Variants in USP36 observed in about 807,000 individuals in gnomAD.
The protein encoded by USP36 is ubiquitin carboxyl-terminal hydrolase 36.
A neutral mutation model predicts 111.5 loss-of-function variants in USP36; 59 were observed. The observed-to-expected ratio is 0.53, with a 90% confidence interval of 0.43 to 0.66. USP36 has a LOEUF of 0.66. Among genes scored for constraint, USP36 ranks in the 30% least tolerant of loss-of-function variants. USP36 has a pLI of 0.00. For missense variants in USP36, 1,488 were observed against 1,468.0 expected (o/e 1.01, Z -0.22); for synonymous variants, 628 against 581.0 (o/e 1.08, Z -1.16).
At chr17:78,812,697 GA>G (rs572009070) in intron 13 of USP36, among the ~76,000 whole-genome samples, 162 bp downstream of exon 13, 2,549 of 52,670 alleles carry the variant, frequency 0.048, 41 homozygotes, top group African/African-American at 0.14. Context: ...ACTCTGTCTC[GA>G]AAAAAAAAAA....
At chr17:78,820,455 C>G (rs1717905588) in intron 8 of USP36, among the ~76,000 whole-genome samples, 2 of 152,180 alleles carry the variant, frequency 1.3e-5, no homozygotes, top group South Asian at 4.1e-4. Flanking sequence ...AGAGCAAGAC[C>G]CTGTCCCTCA....
Position 78,807,276 on chromosome 17 carries a change from T to C in USP36, c.1768A>G (p.Thr590Ala), listed in dbSNP as rs759880106. The C allele has an allele frequency of 3.7e-6, 6 of 1,614,170 alleles. No individual in the cohort carries two copies. Among genetic ancestry groups the C allele is most frequent in the Non-Finnish European group, 5.1e-6 (6 of 1,180,010 alleles). The stretch of plus-strand genomic sequence containing the variant: ...CCCTTCAGCCCATGCCCGTTGGCAG[T>C]GGCTGTAGCCAGGAGCTTAGGTGAG... Reference protein sequence around the residue: ...STSPKLLATATANGHGLKGND... With the variant: ...STSPKLLATAAANGHGLKGND... Residue 590 changes from threonine (T) to alanine (A), a missense_variant, in exon 14 of 21, where the codon ACT becomes GCT. Thr to Ala is a moderately conservative substitution (Grantham distance 58). This residue lies in a region of USP36 where 1,073 missense variants were observed against 994.1 expected (regional missense o/e 1.08). Transcript: ENST00000449938.
rs1395189105 is a variant in USP36, at chr17:78,796,990, A to C, written c.*910T>G. ...TATACAATCATTTAAATTCCAAAGC[A>C]CTCACAAAATTGAGCAAACAAAGCC... On this transcript the variant is annotated 3_prime_UTR_variant, in exon 21 of 21. Transcript: ENST00000449938. 7.9e-5 allele frequency: 12 copies of C among 152,202 alleles called. No individual in the cohort carries two copies. Among genetic ancestry groups the C allele is most frequent in the Non-Finnish European group, 1.8e-4 (12 of 68,034 alleles). The allele number at this position is 152,202 out of a possible 1,614,324, so 9.4% of individuals were successfully genotyped here.
At chr17:78,834,997 G>GTGTATATA (rs968867639) in intron 4 of USP36, among the ~76,000 whole-genome samples, 3 of 141,390 alleles carry the variant, frequency 2.1e-5, no homozygotes, top group Admixed American at 6.9e-5. Flanking sequence ...AATAATATTT[G>GTGTATATA]TATATATATA....
At chr17:78,809,689 T>C (rs774745390) in intron 13 of USP36, among the ~76,000 whole-genome samples, 11 of 152,092 alleles carry the variant, frequency 7.2e-5, no homozygotes, top group Non-Finnish European at 5.9e-5. Flanking sequence ...TGGAGCGCAG[T>C]GGCACAATGA....
In USP36 at chr17:78,834,997, G is replaced by GTATATATATATATA. The variant is rs10527657; in HGVS notation, c.475+269_475+282dup. On this transcript the variant is annotated intron_variant, in intron 4 of 20. Transcript: ENST00000449938. ...TACTGTCTCTAAAAAAATAATATTTGTATATATATATATATATATATTTTG... is the reference window on the plus strand; with the variant it reads ...TACTGTCTCTAAAAAAATAATATTTGTATATATATATATATATATATATATATATATATATTTTG... 9.1e-4 allele frequency among the ~76,000 whole-genome samples: 129 copies of GTATATATATATATA among 141,420 alleles called. 1 individual carries two copies. The highest frequency in any genetic ancestry group is 3.0e-3 in the African/African-American group (108 of 35,846). The allele number at this position is 141,420 out of a possible 152,430, so 92.8% of individuals were successfully genotyped here.
chr17:78,810,003 T>A (rs142725072), intron 13 of USP36, among the ~76,000 whole-genome samples: 1,627 of 152,096 alleles, frequency 0.011, 25 homozygotes, highest in African/African-American at 0.038. Flanking sequence ...CACGCCACCA[T>A]GCCCAGCTAA....
rs754659416 is a variant in USP36, at chr17:78,814,522, G to A, written c.1054C>T (p.Arg352Cys). The A allele has an allele frequency of 6.2e-6, 10 of 1,614,124 alleles. No homozygotes were observed. Among genetic ancestry groups the A allele is most frequent in the South Asian group, 3.3e-5 (3 of 91,078 alleles). The change falls in exon 11 of 21, where the codon CGT (arginine) becomes TGT (cysteine). Residue 352 changes from arginine (R) to cysteine (C), a missense_variant. Coordinates refer to ENST00000449938, the MANE Select transcript of USP36 (RefSeq NM_001385174.1). ...DVGYPEFLNI[R>C]PYMSQNNGDP... ...CCATTATTCTGGGACATATACGGACGTATGTTGAGGAATTCCGGATAGCCT... is the reference window on the plus strand; with the variant it reads ...CCATTATTCTGGGACATATACGGACATATGTTGAGGAATTCCGGATAGCCT...
At position 78,827,095 on chromosome 17, in the gene USP36, T is replaced by C. The variant is rs9895282; in HGVS notation, c.689+150A>G. ...AATCCCCTATTTGGGCTCCAACAGT[T>C]TGAGTACCCAGAGGCAAATTCTGCC... On this transcript the variant is annotated intron_variant, in intron 6 of 20. Coordinates refer to ENST00000449938, the MANE Select transcript of USP36 (RefSeq NM_001385174.1). The C allele has an allele frequency of 0.016, 13,836 of 843,404 alleles. 1,160 individuals carry two copies. In the African/African-American group the frequency reaches 0.2, roughly 12 times the overall value. The allele number at this position is 843,404 out of a possible 1,614,324, so 52.2% of individuals were successfully genotyped here.
At chr17:78,837,938 A>T (rs2068832484) in intron 2 of USP36, among the ~76,000 whole-genome samples, 1 of 152,188 alleles carries the variant, frequency 6.6e-6, no homozygotes, top group South Asian at 2.1e-4. Flanking sequence ...TGTAAAGAAA[A>T]GCCAGGTGCA....
rs1567978635 is a variant in USP36 at position 78,838,696 on chromosome 17, CGCTCCTGGACTGTG to C, written c.-133_-120del. 6.6e-6 allele frequency: 1 copy of C among 152,178 alleles called. No individual in the cohort carries two copies. The highest frequency in any genetic ancestry group is 6.5e-5 in the Admixed American group (1 of 15,278). The allele number at this position is 152,178 out of a possible 1,614,324, so 9.4% of individuals were successfully genotyped here. The stretch of plus-strand genomic sequence containing the variant: ...GCTACGCGGAGCTCCTGAATGTAAG[CGCTCCTGGACTGTG>C]GCCTGTTCAAACACCGAAGCCGCAG... On this transcript the variant is annotated 5_prime_UTR_variant, in exon 2 of 21. It introduces an in-frame stop codon into an upstream open reading frame of the 5' UTR. Coordinates refer to ENST00000449938, the MANE Select transcript of USP36 (RefSeq NM_001385174.1).
chr17:78,810,483 T>G (rs2094022350), intron 13 of USP36, among the ~76,000 whole-genome samples: 1 of 152,114 alleles, frequency 6.6e-6, no homozygotes, highest in African/African-American at 2.4e-5. Flanking sequence ...AGACAGGGTT[T>G]TGCCCAGGTT....
At chr17:78,801,968 G>A (rs959791976) in intron 17 of USP36, among the ~76,000 whole-genome samples, 2 of 152,126 alleles carry the variant, frequency 1.3e-5, no homozygotes, top group African/African-American at 2.4e-5. Flanking sequence ...GGGGGGTGAA[G>A]GTTGGTAGGG....
chr17:78,790,679 G>A (rs1218780858), downstream of USP36, among the ~76,000 whole-genome samples: 1 of 152,076 alleles, frequency 6.6e-6, no homozygotes, highest in South Asian at 2.1e-4. Flanking sequence ...GAGCCACTGC[G>A]CCCGGCCAAC....
chr17:78,814,643 C>A, intron 10 of USP36, 91 bp from the exon 11 acceptor site: 2 of 1,484,332 alleles, frequency 1.3e-6, no homozygotes, highest in East Asian at 2.4e-5. Context: ...ACAAAATGCC[C>A]AGCTTGTCTG....
intron 4 of USP36, among the ~76,000 whole-genome samples, chr17:78,834,943 T>C (rs1464069490): frequency 6.6e-6 from 1 of 151,206 alleles, no homozygotes; most frequent in Non-Finnish European, 1.5e-5. Context: ...ATGGAGCCAC[T>C]GCATTCCAGC....
At position 78,797,168 on chromosome 17, in the gene USP36, A is replaced by C. The variant is rs2093641598; in HGVS notation, c.*732T>G. ...AGACCTGCGGGTTATTGCAGCTGCA[A>C]GGGAAGCTACAGCACAGTCGTCTCA... On this transcript the variant is annotated 3_prime_UTR_variant, in exon 21 of 21. Transcript: ENST00000449938. The C allele has an allele frequency of 6.6e-6, 1 of 152,252 alleles. No homozygotes were observed. Among genetic ancestry groups the C allele is most frequent in the Non-Finnish European group, 1.5e-5 (1 of 68,052 alleles). The allele number at this position is 152,252 out of a possible 1,614,324, so 9.4% of individuals were successfully genotyped here.
chr17:78,823,215 C>A (rs973012286), intron 6 of USP36: 1 of 398,582 alleles, frequency 2.5e-6, no homozygotes, highest in African/African-American at 2.1e-5. Context: ...AATCAACTGC[C>A]ACCATCTACT....
In USP36 at chr17:78,835,467, T is replaced by TC; in HGVS notation, c.287dup (p.Val97SerfsTer115). On this transcript the variant is annotated frameshift_variant, in exon 4 of 21. Coordinates refer to ENST00000449938, the MANE Select transcript of USP36 (RefSeq NM_001385174.1). LOFTEE classifies it high-confidence loss of function. ...AAAGCACTTTCTGCGGGGCTGGGAC[T>TC]CCGTCACCACAGCTCTCATACGTGT... is the stretch of plus-strand genomic sequence containing the variant. 6.2e-7 allele frequency: 1 copy of TC among 1,610,870 alleles called. No homozygotes were observed. Among genetic ancestry groups the TC allele is most frequent in the Non-Finnish European group, 8.5e-7 (1 of 1,178,364 alleles).
Sources: allele counts gnomAD v4.1 joint callset (sites outside exome capture counted in the v4.1 genomes callset), GRCh38; gene constraint gnomAD v4.1.1; regional missense constraint gnomAD v4.1.1; transcripts MANE v1.5; gene names NCBI Gene and HGNC (gene_info 2026-07-23, HGNC 2026-07-21).